Variants in SVEP1 observed in about 807,000 individuals in gnomAD.
The protein encoded by SVEP1 is sushi, von Willebrand factor type A, EGF and pentraxin domain containing 1.
A neutral mutation model predicts 367.3 loss-of-function variants in SVEP1; 164 were observed. That is an observed-to-expected ratio of 0.45 (90% CI 0.39 to 0.51). SVEP1 has a LOEUF of 0.51. SVEP1 is among the 20% of genes least tolerant of loss of function. SVEP1 has a pLI of 0.00. For synonymous variants in SVEP1, 1,666 were observed against 1,611.6 expected, an observed-to-expected ratio of 1.03 and a Z score of -0.81; for missense variants, 4,117 against 4,425.3, an observed-to-expected ratio of 0.93 and a Z score of 1.98.
At position 110,366,447 on chromosome 9, in the gene SVEP1, G is replaced by A. The variant is rs1827200763; in HGVS notation, c.*92C>T. ...TTTACTAAACAAGACCCAGCACCAT[G>A]TTGGACTTTCTTTGCATAAGTTCCA... On this transcript the variant is annotated 3_prime_UTR_variant, in exon 48 of 48. Coordinates refer to ENST00000374469, the MANE Select transcript of SVEP1 (RefSeq NM_153366.4). 2 of 1,337,414 alleles carry A rather than the reference G, an allele frequency of 1.5e-6. No homozygotes were observed. Among genetic ancestry groups the A allele is most frequent in the Non-Finnish European group, 2.0e-6 (2 of 1,006,592 alleles). 82.8% of individuals were successfully genotyped at this position (1,337,414 alleles called of 1,614,324 possible). A position where few individuals can be genotyped will look rare whatever the true frequency, so the allele number is the denominator to read the frequency against.
intron 1 of SVEP1, among the ~76,000 whole-genome samples, chr9:110,562,095 C>G (rs546532061): frequency 1.3e-5 from 2 of 151,672 alleles, no homozygotes; most frequent in Non-Finnish European, 2.9e-5. Context: ...GGAAATGGTA[C>G]GCACAGGAGT....
chr9:110,551,111 A>G (rs1480666689), intron 1 of SVEP1, among the ~76,000 whole-genome samples: 1 of 152,262 alleles, frequency 6.6e-6, no homozygotes, highest in Non-Finnish European at 1.5e-5. Flanking sequence ...GAATTCAAGA[A>G]ACACTACATG....
At chr9:110,464,951 C>G (rs1009101348) in intron 18 of SVEP1, among the ~76,000 whole-genome samples, 3 of 152,136 alleles carry the variant, frequency 2.0e-5, no homozygotes, top group Non-Finnish European at 4.4e-5. Context: ...AAGTTTTCAT[C>G]TTTTGTTTCT....
chr9:110,515,149 T>A, intron 3 of SVEP1, among the ~76,000 whole-genome samples: 1 of 152,244 alleles, frequency 6.6e-6, no homozygotes, highest in East Asian at 1.9e-4. Flanking sequence ...TGTAAAATAA[T>A]TTAAATTTCA....
At chr9:110,430,216 C>T (rs1167263562) in intron 33 of SVEP1, 58 bp downstream of exon 33, 21 of 1,523,008 alleles carry the variant, frequency 1.4e-5, no homozygotes, top group East Asian at 4.7e-5. Context: ...CATATGTCTA[C>T]GCCTTACCTT....
intron 9 of SVEP1, among the ~76,000 whole-genome samples, chr9:110,486,946 TTCTC>T (rs142014340): frequency 2.7e-5 from 4 of 147,698 alleles, no homozygotes; most frequent in East Asian, 2.1e-4. Context: ...CACCTGGACC[TTCTC>T]TCTCTCTCTC....
Position 110,370,000 on chromosome 9 carries a change from G to A in SVEP1, c.10617C>T (p.Pro3539=). 6.2e-7 allele frequency: 1 copy of A among 1,612,936 alleles called. No individual in the cohort carries two copies. Among genetic ancestry groups the A allele is most frequent in the Non-Finnish European group, 8.5e-7 (1 of 1,179,430 alleles). The change falls in exon 47 of 48, where the codon CCC becomes CCT. Residue 3539 remains proline (P), a synonymous_variant. Transcript: ENST00000374469. ...TTACACATTTTCCACCATTTAAGCA[G>A]GGAGACTGGCAAACAGCTGGAATAA... is the stretch of plus-strand genomic sequence containing the variant. ...SRCHTAVCQS[P]CLNGGKCVRP...
At chr9:110,399,021 T>G (rs1225579867) in intron 40 of SVEP1, among the ~76,000 whole-genome samples, 3 of 152,200 alleles carry the variant, frequency 2.0e-5, no homozygotes, top group Admixed American at 6.5e-5. Flanking sequence ...TTATAAATCA[T>G]GCTGCTATAA....
At chr9:110,403,565 AG>A (rs1223147259) in intron 39 of SVEP1, among the ~76,000 whole-genome samples, 1 of 151,864 alleles carries the variant, frequency 6.6e-6, no homozygotes, top group Non-Finnish European at 1.5e-5. Context: ...GGCCTCCCAA[AG>A]TGCTGGGATT....
chr9:110,558,390 T>C (rs1233879672), intron 1 of SVEP1, among the ~76,000 whole-genome samples: 1 of 149,912 alleles, frequency 6.7e-6, no homozygotes, highest in Admixed American at 6.6e-5. Flanking sequence ...GGTGCACACC[T>C]GTAGTCCCAG....
At chr9:110,384,113 C>T (rs534684406) in intron 43 of SVEP1, among the ~76,000 whole-genome samples, 111 of 152,228 alleles carry the variant, frequency 7.3e-4, no homozygotes, top group Non-Finnish European at 8.5e-4. Context: ...GCTGAGTGGC[C>T]GCCAAGAATC....
intron 44 of SVEP1, 135 bp from the exon 45 acceptor site, chr9:110,377,501 CAG>C: frequency 1.4e-6 from 1 of 730,780 alleles, no homozygotes; most frequent in Non-Finnish European, 2.2e-6. Flanking sequence ...AATCGAATCT[CAG>C]GAGGGAATTT....
intron 18 of SVEP1, among the ~76,000 whole-genome samples, chr9:110,460,847 T>C (rs914219829): frequency 1.3e-5 from 2 of 152,244 alleles, no homozygotes. Context: ...ATACAGATTT[T>C]GTTGTATTTT....
chr9:110,518,988 C>T (rs763693120), intron 3 of SVEP1, among the ~76,000 whole-genome samples: 9 of 152,210 alleles, frequency 5.9e-5, no homozygotes, highest in Non-Finnish European at 8.8e-5. Flanking sequence ...CCCACCTCTG[C>T]AGCTGCAATG....
At chr9:110,545,704 C>T (rs1830211530) in intron 3 of SVEP1, among the ~76,000 whole-genome samples, 1 of 152,064 alleles carries the variant, frequency 6.6e-6, no homozygotes, top group Admixed American at 6.6e-5. Context: ...TACAAAGACC[C>T]CAAATCTTTC....
In SVEP1 at chr9:110,439,989, A is replaced by G. The variant is rs955445356; in HGVS notation, c.4640-3485T>C. ...ACCAGAAAATAAATATACGTTCATT[A>G]TGAAAATAACATAAAATGAAGTCAA... On this transcript the variant is annotated intron_variant, in intron 27 of 47. Transcript: ENST00000374469. 2.0e-5 allele frequency among the ~76,000 whole-genome samples: 3 copies of G among 152,204 alleles called. 1 individual carries two copies. The highest frequency in any genetic ancestry group is 2.9e-5 in the Non-Finnish European group (2 of 68,038).
intron 47 of SVEP1, among the ~76,000 whole-genome samples, chr9:110,369,276 A>G (rs1318674169): frequency 6.6e-6 from 1 of 152,184 alleles, no homozygotes; most frequent in East Asian, 1.9e-4. Context: ...GACTTGTGAT[A>G]GTATTTTTAA....
In SVEP1 at chr9:110,436,549, T is replaced by C. The variant is rs866458846; in HGVS notation, c.4640-45A>G. ...AAGAAAAGGAGGAAAACTGGCCTGATGGTCTGTTATTCCTAAAATCCAAAT... is the reference window on the plus strand; with the variant it reads ...AAGAAAAGGAGGAAAACTGGCCTGACGGTCTGTTATTCCTAAAATCCAAAT... On this transcript the variant is annotated intron_variant, in intron 27 of 47. Transcript: ENST00000374469. The C allele has an allele frequency of 5.0e-6, 8 of 1,585,966 alleles. 1 individual carries two copies. In the Middle Eastern group the frequency reaches 1.2e-3, roughly 232 times the overall value.
At chr9:110,506,923 G>T (rs927824938) in intron 5 of SVEP1, among the ~76,000 whole-genome samples, 1 of 152,044 alleles carries the variant, frequency 6.6e-6, no homozygotes, top group African/African-American at 2.4e-5. Context: ...GTAGGGGTAG[G>T]GGAAAGAATA....
Sources: allele counts gnomAD v4.1 joint callset (sites outside exome capture counted in the v4.1 genomes callset), GRCh38; gene constraint gnomAD v4.1.1; transcripts MANE v1.5; gene names NCBI Gene and HGNC (gene_info 2026-07-23, HGNC 2026-07-21).